The following NOL4L variants were observed in gnomAD, a reference collection of about 807,000 sequenced individuals.
The protein encoded by NOL4L is nucleolar protein 4 like, also known as nucleolar protein 4-like.
NOL4L carries 7 observed loss-of-function variants against 64.5 expected under a neutral mutation model. The ratio of observed to expected loss-of-function variants is 0.11; its 90% CI spans 0.06 to 0.20. NOL4L has a LOEUF of 0.20. NOL4L is among the 10% of genes least tolerant of loss of function. The pLI, the probability that NOL4L is intolerant of heterozygous loss-of-function variation, is 1.00. For synonymous variants in NOL4L, 413 were observed against 401.0 expected, an observed-to-expected ratio of 1.03 and a Z score of -0.36; for missense variants, 680 against 967.1, an observed-to-expected ratio of 0.70 and a Z score of 3.94.
chr20:32,577,706 C>T (rs923831796), intron 1 of NOL4L, among the ~76,000 whole-genome samples: 2 of 152,186 alleles, frequency 1.3e-5, no homozygotes, highest in Non-Finnish European at 2.9e-5. Flanking sequence ...AAAGCCTTCT[C>T]TGTTCAATTC....
intron 1 of NOL4L, among the ~76,000 whole-genome samples, chr20:32,532,586 G>C (rs750500771): frequency 9.9e-5 from 15 of 152,170 alleles, no homozygotes; most frequent in Non-Finnish European, 2.1e-4. Flanking sequence ...GCTAATAAAG[G>C]AAGCAGAAAG....
chr20:32,527,555 G>A (rs1477716963), intron 2 of NOL4L, among the ~76,000 whole-genome samples: 1 of 151,892 alleles, frequency 6.6e-6, no homozygotes, highest in African/African-American at 2.4e-5. Context: ...TTTCCTTTGT[G>A]CTCAGACCAC....
intron 1 of NOL4L, among the ~76,000 whole-genome samples, chr20:32,572,672 G>C (rs563469031): frequency 6.6e-6 from 1 of 152,146 alleles, no homozygotes; most frequent in East Asian, 1.9e-4. Context: ...ACCACCTTTG[G>C]CTTGGCGCCG....
intron 5 of NOL4L, among the ~76,000 whole-genome samples, chr20:32,461,690 G>A (rs1249396293): frequency 6.6e-6 from 1 of 151,386 alleles, no homozygotes; most frequent in Non-Finnish European, 1.5e-5. Context: ...CCAAAGTGCT[G>A]GGATTATAGG....
At position 32,453,074 on chromosome 20, in the gene NOL4L, G is replaced by A; in HGVS notation, c.1498-68C>T. The A allele has an allele frequency of 1.3e-6, 2 of 1,594,450 alleles. No individual in the cohort carries two copies. The highest frequency in any genetic ancestry group is 1.7e-6 in the Non-Finnish European group (2 of 1,172,278). Reference sequence around the variant, plus strand: ...GGCCCTGGGCTTGTGCAGAGACCCTGCCCCAGGGGTGGGTGGCACAGGGTG... The same window carrying A: ...GGCCCTGGGCTTGTGCAGAGACCCTACCCCAGGGGTGGGTGGCACAGGGTG... On this transcript the variant is annotated intron_variant, in intron 8 of 10. Coordinates refer to ENST00000621426, the MANE Select transcript of NOL4L (RefSeq NM_001256798.2). This position sits in a 1 kb window ranked among gnomAD's most constrained non-coding sequence, Gnocchi z 5.6.
rs551727383 is a variant in NOL4L at position 32,524,740 on chromosome 20, C to T, written c.477+3018G>A. ...TTCCACAGGCATGGATGGGTGGGGG[C>T]CTCGTGTCTGCAGAGTGGGGCTGAA... On this transcript the variant is annotated intron_variant, in intron 2 of 10. Transcript: ENST00000621426. 2.8e-4 allele frequency among the ~76,000 whole-genome samples: 42 copies of T among 152,244 alleles called. 1 individual carries two copies. In the South Asian group the frequency reaches 5.8e-3, roughly 21 times the overall value.
intron 1 of NOL4L, among the ~76,000 whole-genome samples, chr20:32,543,303 A>G (rs925054856): frequency 2.0e-5 from 3 of 151,978 alleles, no homozygotes; most frequent in Non-Finnish European, 4.4e-5. Flanking sequence ...ACATGGTGAA[A>G]CCCCGTGTCT....
At chr20:32,544,750 G>A (rs1228515615) in intron 1 of NOL4L, among the ~76,000 whole-genome samples, 1 of 152,172 alleles carries the variant, frequency 6.6e-6, no homozygotes, top group African/African-American at 2.4e-5. Flanking sequence ...GTCAATGGCA[G>A]AGATAGATCC....
intron 1 of NOL4L, among the ~76,000 whole-genome samples, chr20:32,542,605 C>T (rs1205099378): frequency 6.6e-6 from 1 of 152,166 alleles, no homozygotes; most frequent in Non-Finnish European, 1.5e-5. Flanking sequence ...CCTCCCGCCT[C>T]AGCCTCTGAA....
chr20:32,448,313 C>A (rs1032308193), intron 10 of NOL4L, among the ~76,000 whole-genome samples: 6 of 152,214 alleles, frequency 3.9e-5, no homozygotes. Flanking sequence ...CTGAGAGATG[C>A]GTGTGGGGAA....
chr20:32,559,440 G>C (rs1477421494), intron 1 of NOL4L, among the ~76,000 whole-genome samples: 1 of 152,222 alleles, frequency 6.6e-6, no homozygotes, highest in African/African-American at 2.4e-5. Context: ...GTAGGAACTC[G>C]ATAAACATTC....
intron 3 of NOL4L, among the ~76,000 whole-genome samples, chr20:32,515,727 T>C (rs2017626375): frequency 6.6e-6 from 1 of 152,106 alleles, no homozygotes; most frequent in African/African-American, 2.4e-5. Context: ...GGTGCCACAC[T>C]CGAGCCTCTA....
At chr20:32,564,352 A>G (rs1238903672) in intron 1 of NOL4L, among the ~76,000 whole-genome samples, 10 of 152,214 alleles carry the variant, frequency 6.6e-5, no homozygotes, top group Non-Finnish European at 1.5e-5. Context: ...AGAACCTCAC[A>G]GCCGCTCATG....
At chr20:32,504,843 C>T (rs531094150) in intron 4 of NOL4L, among the ~76,000 whole-genome samples, 25 of 152,246 alleles carry the variant, frequency 1.6e-4, no homozygotes, top group Middle Eastern at 6.8e-3. Flanking sequence ...TTGTGATACA[C>T]TCGCTTCAGC....
At chr20:32,522,299 G>T (rs867500572) in intron 2 of NOL4L, among the ~76,000 whole-genome samples, 10 of 152,326 alleles carry the variant, frequency 6.6e-5, no homozygotes, top group South Asian at 4.1e-4. Context: ...GAGCAGGCAG[G>T]CTCCTTGATG....
intron 4 of NOL4L, among the ~76,000 whole-genome samples, chr20:32,488,813 CTTT>C: frequency 4.1e-5 from 1 of 24,462 alleles, no homozygotes; most frequent in South Asian, 1.3e-3. Context: ...CTTTTTCTTT[CTTT>C]CTTTCTTTCT....
At chr20:32,481,460 C>G (rs2015706606) in intron 4 of NOL4L, among the ~76,000 whole-genome samples, 1 of 152,170 alleles carries the variant, frequency 6.6e-6, no homozygotes, top group Non-Finnish European at 1.5e-5. Flanking sequence ...TGAGCAATTC[C>G]CAGGCGGTCC....
chr20:32,563,236 GGGGA>G (rs1979197531), intron 1 of NOL4L, among the ~76,000 whole-genome samples: 1 of 107,712 alleles, frequency 9.3e-6, no homozygotes. Flanking sequence ...GAGGGAGAGT[GGGGA>G]GGGAGGGTGG....
intron 4 of NOL4L, among the ~76,000 whole-genome samples, chr20:32,504,228 C>T (rs7362992): frequency 0.024 from 3,643 of 152,170 alleles, 65 homozygotes; most frequent in African/African-American, 0.046. Context: ...GTTCTACATT[C>T]TATTTCTAGT....
Sources: allele counts gnomAD v4.1 joint callset (sites outside exome capture counted in the v4.1 genomes callset), GRCh38; gene constraint gnomAD v4.1.1; non-coding constraint Gnocchi (gnomAD v3.1); transcripts MANE v1.5; gene names NCBI Gene and HGNC (gene_info 2026-07-23, HGNC 2026-07-21).